CELF2: variants seen among roughly 807,000 people sequenced by gnomAD.
CELF2 encodes the protein CUG triplet repeat RNA-binding protein 2.
A neutral mutation model predicts 62.6 loss-of-function variants in CELF2; 8 were observed. The observed-to-expected ratio is 0.13, with a 90% CI of 0.07 to 0.23. The LOEUF (loss-of-function observed/expected upper bound fraction) is 0.23, where lower values mean the gene tolerates loss of function less well. CELF2 is among the 10% of genes least tolerant of loss of function. The pLI, the probability that CELF2 is intolerant of heterozygous loss-of-function variation, is 1.00. For missense variants in CELF2, 333 were observed against 671.0 expected (o/e 0.50, Z 5.56); for synonymous variants, 258 against 250.0 (o/e 1.03, Z -0.30).
rs1194992392 is a variant in CELF2 at position 11,011,940 on chromosome 10, G to A, written c.53+6500G>A. On this transcript the variant is annotated intron_variant, in intron 1 of 12. Coordinates refer to the CELF2 transcript ENST00000416382. The surrounding 1 kb of genome is among the most constrained non-coding windows in gnomAD (Gnocchi z 4.6). ...ACCTTAATGTATTTTCAACCTACAT[G>A]TCACTTTAATAGCTTGGTTATATAA... 6.6e-6 allele frequency among the ~76,000 whole-genome samples: 1 copy of A among 152,188 alleles called. No individual in the cohort carries two copies. The highest frequency in any genetic ancestry group is 2.4e-5 in the African/African-American group (1 of 41,444).
chr10:11,025,239 G>GTGTGTGTGTGTATATATATATA (rs61580670), intron 1 of CELF2, among the ~76,000 whole-genome samples: 44 of 141,084 alleles, frequency 3.1e-4, no homozygotes, highest in Middle Eastern at 3.5e-3. Flanking sequence ...GTGTGTGTGT[G>GTGTGTGTGTGTATATATATATA]TATATGTATG....
chr10:10,736,765 G>C, the CELF2 span, among the ~76,000 whole-genome samples: 1 of 152,060 alleles, frequency 6.6e-6, no homozygotes, highest in Non-Finnish European at 1.5e-5. Flanking sequence ...CAGATACCAA[G>C]AGGTTTTACT....
At chr10:11,180,405 C>G (rs1394943778) in intron 2 of CELF2, among the ~76,000 whole-genome samples, 1 of 152,226 alleles carries the variant, frequency 6.6e-6, no homozygotes, top group Non-Finnish European at 1.5e-5. Context: ...GCTTCCTCAT[C>G]TGCAGGATGA....
At chr10:10,603,941 G>C in the CELF2 span, among the ~76,000 whole-genome samples, 1 of 152,316 alleles carries the variant, frequency 6.6e-6, no homozygotes, top group East Asian at 1.9e-4. Flanking sequence ...AGGCATGGTG[G>C]CTCATGCCTG....
the CELF2 span, among the ~76,000 whole-genome samples, chr10:10,531,878 G>A: frequency 6.6e-6 from 1 of 152,220 alleles, no homozygotes; most frequent in Non-Finnish European, 1.5e-5. Context: ...AGCAAATGGT[G>A]TTGGGAACAG....
chr10:11,290,570 G>A lies in CELF2; in HGVS notation c.976+2018G>A, dbSNP rs78276325. On this transcript the variant is annotated intron_variant, in intron 9 of 12. Transcript: ENST00000633077. The surrounding 1 kb of genome is among the most constrained non-coding windows in gnomAD (Gnocchi z 4.3). ...GGCCACTCAGACGGTCTAGGGCGAC[G>A]GCCTAGGTGTTAGTCGGAAAGGAAT... Among the ~76,000 whole-genome samples, 1,637 of 151,844 alleles carry A rather than the reference G, an allele frequency of 0.011. 31 individuals carry two copies. Among genetic ancestry groups the A allele is most frequent in the African/African-American group, 0.037 (1,534 of 41,384 alleles).
intron 1 of CELF2, among the ~76,000 whole-genome samples, chr10:11,096,094 C>T (rs2049798626): frequency 6.6e-6 from 1 of 152,176 alleles, no homozygotes; most frequent in Non-Finnish European, 1.5e-5. Flanking sequence ...TCATGTTGAC[C>T]TGCATTTATT....
chr10:11,314,110 TC>T lies in CELF2; in HGVS notation c.977-25del. Reference sequence around the variant, plus strand: ...GCTCTCACTCACCTCGTGTCTTCTCTCCCCTTGTCTCTGTTTTCCTTTTTTC... The same window carrying T: ...GCTCTCACTCACCTCGTGTCTTCTCTCCCTTGTCTCTGTTTTCCTTTTTTC... On this transcript the variant is annotated intron_variant, in intron 9 of 12. Coordinates refer to ENST00000633077, the MANE Select transcript of CELF2 (RefSeq NM_001326342.2). This position sits in a 1 kb window ranked among gnomAD's most constrained non-coding sequence, Gnocchi z 5.3. The T allele has an allele frequency of 6.4e-7, 1 of 1,553,544 alleles. No homozygotes were observed. Among genetic ancestry groups the T allele is most frequent in the South Asian group, 1.1e-5 (1 of 87,618 alleles).
At chr10:11,142,888 C>T (rs774928501) in intron 1 of CELF2, among the ~76,000 whole-genome samples, 66 of 151,472 alleles carry the variant, frequency 4.4e-4, no homozygotes, top group Non-Finnish European at 6.9e-4. Flanking sequence ...GGACTCAGTC[C>T]CCTCGTGATT....
chr10:10,829,596 C>G (rs1435863868), intron 1 of CELF2, among the ~76,000 whole-genome samples: 2 of 152,134 alleles, frequency 1.3e-5, no homozygotes, highest in African/African-American at 2.4e-5. Context: ...AGATGTTATT[C>G]CAAGGGAATT....
Position 11,315,970 on chromosome 10 carries a change from C to T in CELF2, c.1096+1712C>T, listed in dbSNP as rs1442172308. Among the ~76,000 whole-genome samples, 1 of 152,244 alleles carries T rather than the reference C, an allele frequency of 6.6e-6. No individual in the cohort carries two copies. The highest frequency in any genetic ancestry group is 1.5e-5 in the Non-Finnish European group (1 of 68,034). On this transcript the variant is annotated intron_variant, in intron 10 of 12. Transcript: ENST00000633077. The surrounding 1 kb of genome is among the most constrained non-coding windows in gnomAD (Gnocchi z 5.8). The stretch of plus-strand genomic sequence containing the variant: ...GTAACAGGCCAGTGGGAATGGTTGT[C>T]CTCCTCAGCACGTGCTCATGACTGG...
chr10:10,566,157 G>A, the CELF2 span, among the ~76,000 whole-genome samples: 1 of 152,002 alleles, frequency 6.6e-6, no homozygotes, highest in African/African-American at 2.4e-5. Flanking sequence ...AGGAGTCCAG[G>A]GATAAGCATA....
chr10:10,680,697 A>T, the CELF2 span, among the ~76,000 whole-genome samples: 1 of 152,222 alleles, frequency 6.6e-6, no homozygotes. Flanking sequence ...AGCATAGCCT[A>T]TCTGGTGCAG....
At chr10:10,664,275 G>C in the CELF2 span, among the ~76,000 whole-genome samples, 1 of 152,180 alleles carries the variant, frequency 6.6e-6, no homozygotes, top group East Asian at 1.9e-4. Flanking sequence ...TCACTACTCA[G>C]TTCAAATATT....
At chr10:10,962,959 G>C (rs1207484494) in intron 2 of CELF2, among the ~76,000 whole-genome samples, 1 of 152,022 alleles carries the variant, frequency 6.6e-6, no homozygotes, top group Non-Finnish European at 1.5e-5. Context: ...ATGCCATCTT[G>C]GTAAGTCAAA....
chr10:10,850,795 G>A (rs1338245896), intron 1 of CELF2, among the ~76,000 whole-genome samples: 1 of 151,922 alleles, frequency 6.6e-6, no homozygotes. Flanking sequence ...ATAGATATTA[G>A]TTTATTTATT....
the CELF2 span, among the ~76,000 whole-genome samples, chr10:10,769,770 A>C: frequency 6.1e-5 from 9 of 148,020 alleles, no homozygotes; most frequent in Admixed American, 4.0e-4. Context: ...ACTCCAAAAA[A>C]TAATAATAAT....
the CELF2 span, among the ~76,000 whole-genome samples, chr10:10,587,399 G>A: frequency 2.0e-5 from 3 of 152,108 alleles, no homozygotes; most frequent in Non-Finnish European, 2.9e-5. Context: ...AGCACATCTC[G>A]GTAGGATCCC....
At chr10:10,679,601 T>A in the CELF2 span, among the ~76,000 whole-genome samples, 1 of 152,234 alleles carries the variant, frequency 6.6e-6, no homozygotes, top group Non-Finnish European at 1.5e-5. Context: ...TATGTTTTAC[T>A]TTTAAAAACC....
Sources: allele counts gnomAD v4.1 joint callset (sites outside exome capture counted in the v4.1 genomes callset), GRCh38; gene constraint gnomAD v4.1.1; non-coding constraint Gnocchi (gnomAD v3.1); transcripts MANE v1.5; gene names NCBI Gene and HGNC (gene_info 2026-07-23, HGNC 2026-07-21).